The following ST7L variants were observed in gnomAD, a reference collection of about 807,000 sequenced individuals.
The protein encoded by ST7L is suppression of tumorigenicity 7 like, also known as suppressor of tumorigenicity 7 protein-like.
A neutral mutation model predicts 72.5 loss-of-function variants in ST7L; 57 were observed. The ratio of observed to expected loss-of-function variants is 0.79; its 90% CI spans 0.64 to 0.98. The LOEUF (loss-of-function observed/expected upper bound fraction) is 0.98. Ranked by LOEUF, ST7L falls within the 50% of genes least tolerant of loss-of-function variation. The pLI, the probability that ST7L is intolerant of heterozygous loss-of-function variation, is 0.00. For synonymous variants in ST7L, 221 were observed against 240.9 expected, an observed-to-expected ratio of 0.92 and a Z score of 0.77; for missense variants, 576 against 672.2, an observed-to-expected ratio of 0.86 and a Z score of 1.58.
At chr1:112,574,473 C>T (rs1410688577) in intron 11 of ST7L, among the ~76,000 whole-genome samples, 3 of 151,694 alleles carry the variant, frequency 2.0e-5, no homozygotes, top group Non-Finnish European at 2.9e-5. Flanking sequence ...TCCTGGCTAA[C>T]ACTGTGAAAC....
At chr1:112,602,199 T>C (rs1178540344) in intron 3 of ST7L, among the ~76,000 whole-genome samples, 1 of 152,188 alleles carries the variant, frequency 6.6e-6, no homozygotes, top group Non-Finnish European at 1.5e-5. Context: ...CAAAGGTTTA[T>C]AAGCAGAAAA....
At chr1:112,611,969 CAAAAAAAAAAAA>C (rs146893029) in intron 2 of ST7L, among the ~76,000 whole-genome samples, 14 of 71,552 alleles carry the variant, frequency 2.0e-4, no homozygotes, top group Admixed American at 1.1e-3. Context: ...GACCCTGTCT[CAAAAAAAAAAAA>C]AAAAAAAAAA....
At chr1:112,617,717 TCACACACACACACACACACACACA>T (rs56216561) in intron 1 of ST7L, among the ~76,000 whole-genome samples, 1 of 126,432 alleles carries the variant, frequency 7.9e-6, no homozygotes, top group South Asian at 2.4e-4. Flanking sequence ...TTTCTCTCTC[TCACACACACACACACACACACACA>T]CACACACACA....
chr1:112,616,949 G>C (rs1388911465), intron 1 of ST7L, 54 bp from the exon 2 acceptor site: 16 of 1,243,406 alleles, frequency 1.3e-5, no homozygotes, highest in Non-Finnish European at 1.9e-5. Context: ...AAAGTACTTA[G>C]GTTACAAATA....
chr1:112,550,642 T>G lies in ST7L; in HGVS notation c.1448A>C (p.Tyr483Ser), dbSNP rs765569021. ...PLEKGHLFYP[Y>S]PSCTETADRE... ...ATCAGCCGTCTCTGTGCAGCTGGGA[T>G]AAGGGTAAAATAGATGTCCTTTCTC... Residue 483 changes from tyrosine to serine, a missense_variant, in exon 13 of 15, where the codon TAT becomes TCT. By Grantham distance (144) the Tyr-to-Ser change is moderately radical (BLOSUM62 -2). Transcript: ENST00000358039. 6.2e-7 allele frequency: 1 copy of G among 1,613,484 alleles called. No individual in the cohort carries two copies. The highest frequency in any genetic ancestry group is 1.3e-5 in the African/African-American group (1 of 74,988).
At chr1:112,559,364 GCTGGGA>G (rs763716420) in intron 11 of ST7L, among the ~76,000 whole-genome samples, 28 of 151,972 alleles carry the variant, frequency 1.8e-4, no homozygotes, top group Non-Finnish European at 4.0e-4. Flanking sequence ...CTCCCGAGTA[GCTGGGA>G]CTACAGGCAT....
At chr1:112,549,402 T>A (rs558441446) in intron 13 of ST7L, among the ~76,000 whole-genome samples, 1 of 152,158 alleles carries the variant, frequency 6.6e-6, no homozygotes, top group African/African-American at 2.4e-5. Context: ...AATAAATAAA[T>A]AAGTAAATAA....
intron 14 of ST7L, among the ~76,000 whole-genome samples, chr1:112,534,168 C>A (rs779640155): frequency 1.3e-5 from 2 of 152,206 alleles, no homozygotes; most frequent in Non-Finnish European, 2.9e-5. Context: ...AAATTTAACT[C>A]TTTTAGGAAA....
chr1:112,597,283 G>A (rs1286193321), intron 5 of ST7L, among the ~76,000 whole-genome samples: 1 of 152,196 alleles, frequency 6.6e-6, no homozygotes, highest in Non-Finnish European at 1.5e-5. Context: ...AGATAGATAA[G>A]GAGGGTGAGT....
downstream of ST7L, chr1:112,523,026 T>A (rs1370102873): frequency 6.6e-6 from 1 of 152,250 alleles, no homozygotes; most frequent in African/African-American, 2.4e-5. Context: ...TTATATTATA[T>A]GCCAGGCTGC....
chr1:112,582,329 G>A (rs1445182760), intron 8 of ST7L, 46 bp downstream of exon 8: 1 of 1,397,826 alleles, frequency 7.2e-7, no homozygotes, highest in East Asian at 2.3e-5. Context: ...TAAATTTTTA[G>A]TTTCTGGAGG....
intron 14 of ST7L, among the ~76,000 whole-genome samples, chr1:112,534,272 A>G (rs567981707): frequency 6.6e-6 from 1 of 152,316 alleles, no homozygotes; most frequent in East Asian, 1.9e-4. Flanking sequence ...TTTTGTACTC[A>G]TTTCAGTGTA....
downstream of ST7L, chr1:112,520,375 C>G (rs751293359): frequency 6.2e-7 from 1 of 1,614,122 alleles, no homozygotes; most frequent in Non-Finnish European, 8.5e-7. Context: ...CGACACAACT[C>G]GAGTCACCCG....
At chr1:112,567,107 T>C (rs191687983) in intron 11 of ST7L, among the ~76,000 whole-genome samples, 1 of 152,366 alleles carries the variant, frequency 6.6e-6, no homozygotes, top group African/African-American at 2.4e-5. Context: ...CACATTCTTA[T>C]TGACATTTTA....
intron 14 of ST7L, among the ~76,000 whole-genome samples, chr1:112,531,736 A>ACAGGT (rs1400168202): frequency 2.0e-5 from 3 of 152,220 alleles, no homozygotes; most frequent in Non-Finnish European, 4.4e-5. Context: ...TTTATACTTC[A>ACAGGT]CAGGTACCCA....
Position 112,610,837 on chromosome 1 carries a change from T to A in ST7L, c.451+4A>T. The A allele has an allele frequency of 6.2e-7, 1 of 1,613,364 alleles. No homozygotes were observed. The highest frequency in any genetic ancestry group is 2.2e-5 in the East Asian group (1 of 44,870). ...CTCTGAAAACACATTAGAAAAGTAG[T>A]CACCTGACAAATTCTGTCTGCTGGT... On this transcript the variant is annotated splice_donor_region_variant and intron_variant, in intron 3 of 14. Transcript: ENST00000358039.
intron 3 of ST7L, 107 bp downstream of exon 3, chr1:112,610,734 C>T (rs552355257): frequency 1.5e-6 from 2 of 1,363,158 alleles, no homozygotes; most frequent in South Asian, 2.8e-5. Flanking sequence ...TTGGGGGAAA[C>T]ACAAACATGC....
chr1:112,607,999 C>G (rs1042014164), intron 3 of ST7L, among the ~76,000 whole-genome samples: 1 of 152,076 alleles, frequency 6.6e-6, no homozygotes, highest in East Asian at 1.9e-4. Context: ...TGAACAAAAG[C>G]ATGCTTTAAT....
At chr1:112,575,120 T>A (rs1295689012) in intron 11 of ST7L, among the ~76,000 whole-genome samples, 1 of 152,144 alleles carries the variant, frequency 6.6e-6, no homozygotes, top group African/African-American at 2.4e-5. Context: ...GCACCTGTAG[T>A]CCCAGCTACT....
Sources: allele counts gnomAD v4.1 joint callset (sites outside exome capture counted in the v4.1 genomes callset), GRCh38; gene constraint gnomAD v4.1.1; transcripts MANE v1.5; gene names NCBI Gene and HGNC (gene_info 2026-07-23, HGNC 2026-07-21).